The following CLEC16A variants were observed in gnomAD, a reference collection of about 807,000 sequenced individuals.
CLEC16A encodes protein CLEC16A.
Under a neutral mutation model 109.5 loss-of-function variants are expected in CLEC16A, and 51 were observed. That is an observed-to-expected ratio of 0.47 (90% CI 0.37 to 0.59). The LOEUF is 0.59. Ranked by LOEUF, CLEC16A falls within the 20% of genes least tolerant of loss-of-function variation. CLEC16A has a pLI of 0.00. For missense variants in CLEC16A, 1,339 were observed against 1,394.0 expected (o/e 0.96, Z 0.63); for synonymous variants, 673 against 564.2 (o/e 1.19, Z -2.73).
intron 3 of CLEC16A, 88 bp downstream of exon 3, chr16:10,962,676 A>C (rs2042306449): frequency 7.1e-7 from 1 of 1,411,412 alleles, no homozygotes; most frequent in Non-Finnish European, 9.8e-7. Flanking sequence ...TGCGCTTACT[A>C]TTCGTCGGCT....
At position 11,179,537 on chromosome 16, in the gene CLEC16A, C is replaced by G. The variant is rs1476121061; in HGVS notation, c.*847C>G. The stretch of plus-strand genomic sequence containing the variant: ...TTCTCCAGGAAAAGGAGGAATGTAG[C>G]CAGCTCCCCACTCAGGACGCTTCCT... On this transcript the variant is annotated 3_prime_UTR_variant, in exon 24 of 24. Coordinates refer to ENST00000409790, the MANE Select transcript of CLEC16A (RefSeq NM_015226.3). 1.3e-5 allele frequency: 2 copies of G among 152,212 alleles called. No individual in the cohort carries two copies. The highest frequency in any genetic ancestry group is 6.5e-5 in the Admixed American group (1 of 15,288). The allele number at this position is 152,212 out of a possible 1,614,324, so 9.4% of individuals were successfully genotyped here. A position where few individuals can be genotyped will look rare whatever the true frequency, so the allele number is the denominator to read the frequency against.
At chr16:10,975,803 C>T (rs1317798978) in intron 7 of CLEC16A, among the ~76,000 whole-genome samples, 1 of 151,950 alleles carries the variant, frequency 6.6e-6, no homozygotes, top group Non-Finnish European at 1.5e-5. Context: ...CATGCCACCA[C>T]CCCTGGCTAA....
chr16:11,037,505 T>A (rs1165981394), intron 13 of CLEC16A, among the ~76,000 whole-genome samples: 1 of 152,222 alleles, frequency 6.6e-6, no homozygotes, highest in African/African-American at 2.4e-5. Context: ...CTTTTCTTCC[T>A]GTCAAGAAAA....
chr16:10,962,728 C>T (rs1596764739), intron 3 of CLEC16A, 140 bp downstream of exon 3: 1 of 939,896 alleles, frequency 1.1e-6, no homozygotes, highest in East Asian at 2.4e-5. Context: ...GTGGGTTAAA[C>T]AATAGAGATT....
intron 19 of CLEC16A, among the ~76,000 whole-genome samples, chr16:11,087,334 T>G (rs1260856253): frequency 6.6e-6 from 1 of 151,986 alleles, no homozygotes; most frequent in Non-Finnish European, 1.5e-5. Context: ...AGGCCCACTC[T>G]CACGTCCAGG....
chr16:10,971,728 C>T (rs1033933515), intron 5 of CLEC16A, among the ~76,000 whole-genome samples: 1 of 152,244 alleles, frequency 6.6e-6, no homozygotes, highest in African/African-American at 2.4e-5. Context: ...GTTCTTAATG[C>T]CCAAAACATT....
At chr16:11,141,357 C>T (rs942350579) in intron 22 of CLEC16A, among the ~76,000 whole-genome samples, 1 of 152,244 alleles carries the variant, frequency 6.6e-6, no homozygotes, top group African/African-American at 2.4e-5. Context: ...GTGCAGAGGA[C>T]AGCTCACTCA....
chr16:10,969,793 C>T (rs1364113968), intron 4 of CLEC16A, among the ~76,000 whole-genome samples: 1 of 152,166 alleles, frequency 6.6e-6, no homozygotes, highest in African/African-American at 2.4e-5. Flanking sequence ...TTGTCACTTC[C>T]CTGCTGTGTC....
In CLEC16A at chr16:11,174,288, C is replaced by A. The variant is rs1555506050; in HGVS notation, c.2807-4047C>A. ...GCACAGTCAATTCAGGCAGGTCTCC[C>A]CTGTGAGCCGCTCGGGCCGCGACGT... On this transcript the variant is annotated intron_variant, in intron 23 of 23. Coordinates refer to ENST00000409790, the MANE Select transcript of CLEC16A (RefSeq NM_015226.3). This position sits in a 1 kb window ranked among gnomAD's most constrained non-coding sequence, Gnocchi z 4.7. 2.2e-6 allele frequency: 1 copy of A among 454,408 alleles called. No homozygotes were observed. The highest frequency in any genetic ancestry group is 1.6e-5 in the South Asian group (1 of 64,354). The allele number at this position is 454,408 out of a possible 1,614,324, so 28.1% of individuals were successfully genotyped here.
At chr16:11,074,398 A>G (rs992118888) in intron 19 of CLEC16A, among the ~76,000 whole-genome samples, 1 of 152,206 alleles carries the variant, frequency 6.6e-6, no homozygotes, top group African/African-American at 2.4e-5. Flanking sequence ...TATCCTATAA[A>G]CTGACTGGAA....
intron 19 of CLEC16A, among the ~76,000 whole-genome samples, chr16:11,112,919 C>G (rs533899839): frequency 1.4e-3 from 213 of 152,284 alleles, no homozygotes; most frequent in African/African-American, 5.1e-3. Flanking sequence ...TTTCATGGTC[C>G]TTAGCCTTCC....
chr16:11,038,008 A>C (rs2047118618), intron 13 of CLEC16A, among the ~76,000 whole-genome samples: 1 of 152,158 alleles, frequency 6.6e-6, no homozygotes, highest in Non-Finnish European at 1.5e-5. Context: ...CACTGCAATG[A>C]AATTTTTTGA....
chr16:10,944,580 C>T lies in CLEC16A; in HGVS notation c.-138C>T, dbSNP rs1223130288. ...CTGAATGTCAGTGCTGGGCTGTGGG[C>T]CGGGGAGGAAGGCGGCTCGCGGTTC... On this transcript the variant is annotated 5_prime_UTR_variant, in exon 1 of 24. Coordinates refer to ENST00000409790, the MANE Select transcript of CLEC16A (RefSeq NM_015226.3). 6.1e-6 allele frequency: 5 copies of T among 818,958 alleles called. No individual in the cohort carries two copies. Among genetic ancestry groups the T allele is most frequent in the Non-Finnish European group, 7.7e-6 (4 of 521,672 alleles). The allele number at this position is 818,958 out of a possible 1,614,324, so 50.7% of individuals were successfully genotyped here.
intron 23 of CLEC16A, among the ~76,000 whole-genome samples, chr16:11,177,253 T>G (rs184682612): frequency 2.6e-5 from 4 of 152,308 alleles, no homozygotes; most frequent in Admixed American, 2.6e-4. Context: ...ATCTGGTGTT[T>G]CTGTTCAGGC....
At chr16:10,997,907 G>A (rs1472361376) in intron 10 of CLEC16A, among the ~76,000 whole-genome samples, 1 of 152,092 alleles carries the variant, frequency 6.6e-6, no homozygotes, top group Non-Finnish European at 1.5e-5. Flanking sequence ...GCTTTTTCTT[G>A]TGCAGCCTGT....
intron 19 of CLEC16A, among the ~76,000 whole-genome samples, chr16:11,085,225 G>C (rs2049946842): frequency 6.6e-6 from 1 of 152,244 alleles, no homozygotes; most frequent in African/African-American, 2.4e-5. Flanking sequence ...ACGGGAAGGG[G>C]GCTTTCAGCC....
intron 19 of CLEC16A, among the ~76,000 whole-genome samples, chr16:11,067,411 C>A (rs2048831286): frequency 6.6e-6 from 1 of 151,614 alleles, no homozygotes; most frequent in Non-Finnish European, 1.5e-5. Context: ...CATTTGAGGG[C>A]TGCAGGGGGG....
chr16:11,046,426 A>G (rs982978350), intron 16 of CLEC16A, among the ~76,000 whole-genome samples: 2 of 152,150 alleles, frequency 1.3e-5, no homozygotes, highest in Non-Finnish European at 2.9e-5. Flanking sequence ...CTGACAACTG[A>G]AAAAACCTAA....
chr16:10,948,032 T>A (rs374312258), intron 1 of CLEC16A, among the ~76,000 whole-genome samples: 1 of 152,094 alleles, frequency 6.6e-6, no homozygotes, highest in African/African-American at 2.4e-5. Flanking sequence ...TAGCTGGGAC[T>A]ACAGGCGCCC....
Sources: gnomAD v4.1 joint callset for allele counts (sites outside exome capture counted in the v4.1 genomes callset) on GRCh38, gnomAD v4.1.1 for gene constraint, Gnocchi (gnomAD v3.1) non-coding constraint, MANE v1.5 for transcripts, NCBI Gene and HGNC (gene_info 2026-07-23, HGNC 2026-07-21) for gene names.